Variants in TNFRSF10A observed in about 807,000 individuals in gnomAD.
The protein encoded by TNFRSF10A is TNF receptor superfamily member 10a.
A neutral mutation model predicts 42.8 loss-of-function variants in TNFRSF10A; 44 were observed. That is an observed-to-expected ratio of 1.03 (90% CI 0.81 to 1.32). The LOEUF (loss-of-function observed/expected upper bound fraction) is 1.32, where lower values mean the gene tolerates loss of function less well. TNFRSF10A is among the 40% of genes most tolerant of loss of function. The pLI is 0.00. For missense variants in TNFRSF10A, 680 were observed against 602.0 expected (o/e 1.13, Z -1.36); for synonymous variants, 259 against 234.2 (o/e 1.11, Z -0.97).
At chr8:23,196,398 A>G (rs534586524) in intron 9 of TNFRSF10A, among the ~76,000 whole-genome samples, 58 of 152,120 alleles carry the variant, frequency 3.8e-4, no homozygotes, top group South Asian at 2.7e-3. Flanking sequence ...GGGTTTCACC[A>G]TGTTAGCCAG....
intron 9 of TNFRSF10A, among the ~76,000 whole-genome samples, chr8:23,194,287 G>A (rs1177617158): frequency 2.6e-5 from 4 of 152,148 alleles, no homozygotes; most frequent in Admixed American, 2.6e-4. Context: ...AAGTAAAAGA[G>A]TACTCATAAA....
intron 1 of TNFRSF10A, among the ~76,000 whole-genome samples, chr8:23,216,114 G>A (rs918535026): frequency 5.9e-5 from 9 of 152,054 alleles, no homozygotes; most frequent in Non-Finnish European, 8.8e-5. Context: ...CATCTCGTCC[G>A]GCCAGTTTAT....
intron 6 of TNFRSF10A, among the ~76,000 whole-genome samples, chr8:23,200,248 T>C (rs546769526): frequency 1.0e-3 from 154 of 152,348 alleles, no homozygotes; most frequent in Non-Finnish European, 1.7e-3. Flanking sequence ...TGGATGGGCC[T>C]GACCAGTGGA....
chr8:23,211,663 C>A (rs1801093071), intron 2 of TNFRSF10A, among the ~76,000 whole-genome samples: 1 of 152,174 alleles, frequency 6.6e-6, no homozygotes, highest in South Asian at 2.1e-4. Context: ...GACTGTGTGG[C>A]ACTGGAAAGA....
At position 23,199,050 on chromosome 8, in the gene TNFRSF10A, A is replaced by G. The variant is rs560200319; in HGVS notation, c.1014+216T>C. On this transcript the variant is annotated intron_variant, in intron 8 of 9. Transcript: ENST00000221132. The stretch of plus-strand genomic sequence containing the variant: ...CCCCACTCTATTCCTCTGGAGCTCC[A>G]GTTTCTGAGGACATGGCAAGGACAG... Among the ~76,000 whole-genome samples, 17 of 152,328 alleles carry G rather than the reference A, an allele frequency of 1.1e-4. No homozygotes were observed. In the East Asian group the frequency reaches 3.1e-3, roughly 28 times the overall value.
In TNFRSF10A at chr8:23,191,130, T is replaced by C. The variant is rs1312087770; in HGVS notation, c.*564A>G. On this transcript the variant is annotated 3_prime_UTR_variant, in exon 10 of 10. Transcript: ENST00000221132. ...CCCTCTGGAAACACCCTCGAAGACA[T>C]GCCCAGAAATAATGTCCCAGAAATA... The C allele has an allele frequency of 1.3e-5, 2 of 153,342 alleles. No individual in the cohort carries two copies. Among genetic ancestry groups the C allele is most frequent in the African/African-American group, 4.8e-5 (2 of 41,430 alleles). 9.5% of individuals were successfully genotyped at this position (153,342 alleles called of 1,614,324 possible). A position where few individuals can be genotyped will look rare whatever the true frequency, so the allele number is the denominator to read the frequency against.
chr8:23,215,508 A>T (rs909828996), intron 1 of TNFRSF10A, among the ~76,000 whole-genome samples: 14 of 140,980 alleles, frequency 9.9e-5, no homozygotes, highest in African/African-American at 7.8e-5. Flanking sequence ...ACTCCGACTC[A>T]AAAAATAGCA....
At chr8:23,213,651 T>C (rs1190466111) in intron 1 of TNFRSF10A, among the ~76,000 whole-genome samples, 1 of 151,872 alleles carries the variant, frequency 6.6e-6, no homozygotes, top group Non-Finnish European at 1.5e-5. Flanking sequence ...AGTTTCACTG[T>C]GTTAGGATGG....
intron 2 of TNFRSF10A, among the ~76,000 whole-genome samples, chr8:23,204,758 G>C (rs764731433): frequency 1.3e-5 from 2 of 151,962 alleles, no homozygotes; most frequent in Non-Finnish European, 2.9e-5. Context: ...AGAAACTGGG[G>C]AACATCACAG....
Position 23,191,700 on chromosome 8 carries a change from C to T in TNFRSF10A, c.1401G>A (p.Leu467=). The T allele has an allele frequency of 1.2e-6, 2 of 1,612,790 alleles. No homozygotes were observed. Among genetic ancestry groups the T allele is most frequent in the South Asian group, 2.2e-5 (2 of 90,982 alleles). ...CTCTGGTAAAAAGAGTCTTTCACTC[C>T]AAGGACACGGCAGAGCCTGTGCCAT... The part of the protein sequence containing the change: ...LEDGTGSAVS[L]E The change falls in exon 10 of 10, where the codon TTG becomes TTA. Residue 467 remains leucine (L), a synonymous_variant. Transcript: ENST00000221132.
chr8:23,224,593 G>T (rs1801307564), intron 1 of TNFRSF10A, 163 bp downstream of exon 1: 8 of 963,268 alleles, frequency 8.3e-6, no homozygotes, highest in Admixed American at 6.0e-5. Context: ...CTGGCCCCGG[G>T]GACCCCGTTC....
intron 7 of TNFRSF10A, 29 bp from the exon 8 acceptor site, chr8:23,199,477 G>A (rs75080182): frequency 6.3e-7 from 1 of 1,599,964 alleles, no homozygotes; most frequent in Non-Finnish European, 8.6e-7. Flanking sequence ...CAACTCAGAA[G>A]CCCACACCCA....
chr8:23,212,005 G>T, intron 2 of TNFRSF10A, 111 bp downstream of exon 2: 1 of 973,314 alleles, frequency 1.0e-6, no homozygotes, highest in Non-Finnish European at 1.5e-6. Context: ...CAGAAAACTT[G>T]AAGAACATGG....
intron 8 of TNFRSF10A, 60 bp downstream of exon 8, chr8:23,199,206 C>G: frequency 6.4e-7 from 1 of 1,569,074 alleles, no homozygotes; most frequent in African/African-American, 1.3e-5. Context: ...ACCAGGAGAG[C>G]CGAGGCATGG....
At chr8:23,207,954 T>C (rs1801042619) in intron 2 of TNFRSF10A, among the ~76,000 whole-genome samples, 1 of 150,406 alleles carries the variant, frequency 6.6e-6, no homozygotes, top group African/African-American at 2.4e-5. Flanking sequence ...AGTGGGGAGC[T>C]GCTGAAAAGA....
In TNFRSF10A at chr8:23,200,775, G is replaced by A; in HGVS notation, c.630-15C>T. 6.5e-7 allele frequency: 1 copy of A among 1,545,486 alleles called. No individual in the cohort carries two copies. The highest frequency in any genetic ancestry group is 8.9e-7 in the Non-Finnish European group (1 of 1,118,504). Reference sequence around the variant, plus strand: ...CTCTGGGGCACCTGGGTACACACAGGGAGGGAGGGGGGGGACTCTTGATGG... The same window carrying A: ...CTCTGGGGCACCTGGGTACACACAGAGAGGGAGGGGGGGGACTCTTGATGG... On this transcript the variant is annotated splice_polypyrimidine_tract_variant and intron_variant, in intron 4 of 9. Coordinates refer to ENST00000221132, the MANE Select transcript of TNFRSF10A (RefSeq NM_003844.4).
chr8:23,219,843 A>C lies in TNFRSF10A; in HGVS notation c.306+4913T>G, dbSNP rs1276134083. On this transcript the variant is annotated intron_variant, in intron 1 of 9. Transcript: ENST00000221132. The stretch of plus-strand genomic sequence containing the variant: ...TAAGCCACACAAATATATTACCAAC[A>C]AACTCCAATGACTTAACTTTGAGAT... Among the ~76,000 whole-genome samples the C allele has an allele frequency of 3.3e-5, 5 of 152,192 alleles. No individual in the cohort carries two copies. The East Asian group carries it at 9.6e-4, about 29-fold the overall frequency.
At chr8:23,203,943 AT>A (rs1324991990) in intron 2 of TNFRSF10A, among the ~76,000 whole-genome samples, 1 of 151,842 alleles carries the variant, frequency 6.6e-6, no homozygotes, top group East Asian at 1.9e-4. Context: ...CGCCTGGCTA[AT>A]TTTTTGTATT....
At chr8:23,193,015 C>G (rs1800776826) in intron 9 of TNFRSF10A, among the ~76,000 whole-genome samples, 2 of 152,210 alleles carry the variant, frequency 1.3e-5, no homozygotes, top group Non-Finnish European at 2.9e-5. Context: ...CTTTCTTACA[C>G]ATTGTTACAT....
Sources: allele counts gnomAD v4.1 joint callset (sites outside exome capture counted in the v4.1 genomes callset), GRCh38; gene constraint gnomAD v4.1.1; transcripts MANE v1.5; gene names NCBI Gene and HGNC (gene_info 2026-07-23, HGNC 2026-07-21).